COX10: variants seen among roughly 807,000 people sequenced by gnomAD.
COX10 encodes the protein cytochrome c oxidase assembly factor heme A:farnesyltransferase COX10.
Under a neutral mutation model 37.3 loss-of-function variants are expected in COX10, and 27 were observed. That is an observed-to-expected ratio of 0.72 (90% CI 0.53 to 1.00). COX10 has a LOEUF of 1.00. COX10 is among the 50% of genes least tolerant of loss of function. The pLI is 0.00. For missense variants in COX10, 475 were observed against 563.2 expected (o/e 0.84, Z 1.59); for synonymous variants, 222 against 229.1 (o/e 0.97, Z 0.28).
chr17:14,118,132 C>T (rs929646821), intron 4 of COX10, among the ~76,000 whole-genome samples: 1 of 152,006 alleles, frequency 6.6e-6, no homozygotes, highest in African/African-American at 2.4e-5. Flanking sequence ...TGTCTGTGCC[C>T]GCTAGGATCT....
intron 4 of COX10, among the ~76,000 whole-genome samples, chr17:14,119,871 T>C (rs1156619892): frequency 2.6e-5 from 4 of 152,148 alleles, no homozygotes; most frequent in Non-Finnish European, 2.9e-5. Context: ...TAGGAAACCA[T>C]TGTCATGCTT....
At chr17:14,195,538 A>T (rs1472816186) in intron 6 of COX10, among the ~76,000 whole-genome samples, 1 of 152,240 alleles carries the variant, frequency 6.6e-6, no homozygotes, top group African/African-American at 2.4e-5. Context: ...TTATTGCAGA[A>T]TGTTCACTTA....
chr17:14,108,765 A>G (rs866253415), intron 4 of COX10, among the ~76,000 whole-genome samples: 6 of 152,112 alleles, frequency 3.9e-5, no homozygotes, highest in African/African-American at 1.4e-4. Context: ...TCTGAAAGGA[A>G]AAACAGGTAA....
At chr17:14,193,310 A>C (rs946701972) in intron 6 of COX10, among the ~76,000 whole-genome samples, 2 of 152,134 alleles carry the variant, frequency 1.3e-5, no homozygotes, top group Non-Finnish European at 2.9e-5. Context: ...CATCTCCCAC[A>C]TGGGGCTAAT....
intron 4 of COX10, among the ~76,000 whole-genome samples, chr17:14,103,921 T>C (rs2142201480): frequency 6.6e-6 from 1 of 152,296 alleles, no homozygotes; most frequent in Non-Finnish European, 1.5e-5. Context: ...GAATGCATGT[T>C]GGGATTCTTT....
chr17:14,170,535 G>A (rs1391727726), intron 5 of COX10, among the ~76,000 whole-genome samples: 1 of 152,144 alleles, frequency 6.6e-6, no homozygotes, highest in African/African-American at 2.4e-5. Flanking sequence ...GCTAGCCTAG[G>A]CCAGGTGCAT....
chr17:14,069,563 G>C lies in COX10; in HGVS notation c.-43G>C, dbSNP rs766169199. ...CGGCGCCCAGCGTCCCGTGAGGAGAGAGGACACAGGGATCCCGGGGAGCGG... is the reference window on the plus strand; with the variant it reads ...CGGCGCCCAGCGTCCCGTGAGGAGACAGGACACAGGGATCCCGGGGAGCGG... On this transcript the variant is annotated 5_prime_UTR_variant, in exon 1 of 7. Transcript: ENST00000261643. 8.7e-6 allele frequency: 14 copies of C among 1,611,512 alleles called. No homozygotes were observed. Among genetic ancestry groups the C allele is most frequent in the Non-Finnish European group, 1.2e-5 (14 of 1,178,496 alleles).
chr17:14,133,387 A>G (rs1334245855), intron 4 of COX10, among the ~76,000 whole-genome samples: 1 of 151,640 alleles, frequency 6.6e-6, no homozygotes, highest in Non-Finnish European at 1.5e-5. Flanking sequence ...TTTTGAAGAA[A>G]TATAATACTA....
chr17:14,155,825 TTCC>T (rs781530498), intron 4 of COX10, among the ~76,000 whole-genome samples: 2 of 152,152 alleles, frequency 1.3e-5, no homozygotes, highest in African/African-American at 2.4e-5. Context: ...GAGATGTTGC[TTCC>T]TCTTCATCTC....
At chr17:14,151,932 T>C (rs1285316866) in intron 4 of COX10, among the ~76,000 whole-genome samples, 1 of 152,196 alleles carries the variant, frequency 6.6e-6, no homozygotes, top group Admixed American at 6.5e-5. Context: ...GCAATGATGG[T>C]TTATTAAATA....
intron 4 of COX10, among the ~76,000 whole-genome samples, chr17:14,120,721 A>G (rs989107496): frequency 3.3e-5 from 5 of 152,204 alleles, no homozygotes; most frequent in South Asian, 4.1e-4. Context: ...TGAGAAATCA[A>G]ATTGGAGAGA....
chr17:14,119,693 A>T (rs567042008), intron 4 of COX10, among the ~76,000 whole-genome samples: 39 of 152,278 alleles, frequency 2.6e-4, no homozygotes, highest in Middle Eastern at 3.4e-3. Flanking sequence ...AGTGAATAAG[A>T]TGTGCGCAAG....
chr17:14,102,716 C>G (rs545090269), intron 4 of COX10, among the ~76,000 whole-genome samples: 3 of 152,062 alleles, frequency 2.0e-5, no homozygotes, highest in Non-Finnish European at 2.9e-5. Context: ...ATATGGAATA[C>G]GGTTATACCC....
chr17:14,160,927 G>T (rs1034932803), intron 5 of COX10, among the ~76,000 whole-genome samples: 5 of 152,172 alleles, frequency 3.3e-5, no homozygotes, highest in African/African-American at 1.2e-4. Context: ...TATTTGGGTA[G>T]ATCTGTTTTA....
At chr17:14,116,496 C>A (rs1390140131) in intron 4 of COX10, among the ~76,000 whole-genome samples, 1 of 152,110 alleles carries the variant, frequency 6.6e-6, no homozygotes, top group South Asian at 2.1e-4. Flanking sequence ...AACTTCTGAT[C>A]TTTCCCCTCA....
intron 2 of COX10, among the ~76,000 whole-genome samples, chr17:14,075,508 G>T (rs1245508884): frequency 2.0e-5 from 3 of 152,178 alleles, no homozygotes; most frequent in Non-Finnish European, 1.5e-5. Context: ...AAGTTAAAGA[G>T]AGAGAAAGAG....
intron 5 of COX10, among the ~76,000 whole-genome samples, chr17:14,185,526 CA>C (rs1158153103): frequency 6.6e-6 from 1 of 152,134 alleles, no homozygotes; most frequent in Non-Finnish European, 1.5e-5. Flanking sequence ...TTGATTAAAA[CA>C]GCTAAATTTC....
At chr17:14,093,938 A>G (rs1915585183) in intron 3 of COX10, among the ~76,000 whole-genome samples, 1 of 152,212 alleles carries the variant, frequency 6.6e-6, no homozygotes, top group African/African-American at 2.4e-5. Context: ...CTGTAATCCC[A>G]GTGCTTTGGG....
In COX10 at chr17:14,088,843, C is replaced by T. The variant is rs950498873; in HGVS notation, c.499+11787C>T. 4.6e-5 allele frequency among the ~76,000 whole-genome samples: 7 copies of T among 152,086 alleles called. No individual in the cohort carries two copies. The East Asian group carries it at 7.7e-4, about 17-fold the overall frequency. Reference sequence around the variant, plus strand: ...TAGCTTGTGGTTTTTGTCCTCAGACCATGAGATGACTTCCATACCGTCATC... The same window carrying T: ...TAGCTTGTGGTTTTTGTCCTCAGACTATGAGATGACTTCCATACCGTCATC... On this transcript the variant is annotated intron_variant, in intron 3 of 6. Transcript: ENST00000261643.
Sources: gnomAD v4.1 joint callset for allele counts (sites outside exome capture counted in the v4.1 genomes callset) on GRCh38, gnomAD v4.1.1 for gene constraint, MANE v1.5 for transcripts, NCBI Gene and HGNC (gene_info 2026-07-23, HGNC 2026-07-21) for gene names.